The following N4BP1 variants were observed in gnomAD, a reference collection of about 807,000 sequenced individuals.
N4BP1 encodes the protein NEDD4-binding protein 1.
N4BP1 carries 21 observed loss-of-function variants against 70.9 expected under a neutral mutation model. The observed-to-expected ratio is 0.30, with a 90% CI of 0.21 to 0.43. The LOEUF is 0.43. Among genes scored for constraint, N4BP1 ranks in the 20% least tolerant of loss-of-function variants. The pLI is 1.00. For missense variants in N4BP1, 936 were observed against 1,069.4 expected (o/e 0.88, Z 1.74); for synonymous variants, 387 against 394.6 (o/e 0.98, Z 0.23).
chr16:48,610,135 C>A lies in N4BP1; in HGVS notation c.-163G>T, dbSNP rs1325491315. On this transcript the variant is annotated 5_prime_UTR_variant, in exon 1 of 7. Transcript: ENST00000262384. ...GCCCTCAGGCCCGGCTATACCATCC[C>A]GCCACGACCGCAGCAGCTTGGCAAT... The A allele has an allele frequency of 1.0e-5, 2 of 193,700 alleles. No individual in the cohort carries two copies. Among genetic ancestry groups the A allele is most frequent in the Non-Finnish European group, 1.9e-5 (2 of 104,948 alleles). 12.0% of individuals were successfully genotyped at this position (193,700 alleles called of 1,614,324 possible).
At chr16:48,606,313 A>G (rs1331730675) in intron 1 of N4BP1, among the ~76,000 whole-genome samples, 1 of 152,134 alleles carries the variant, frequency 6.6e-6, no homozygotes, top group African/African-American at 2.4e-5. Context: ...ACTTGCAACA[A>G]TGTTCATTTC....
chr16:48,555,231 A>G (rs1285343471), intron 2 of N4BP1, among the ~76,000 whole-genome samples: 1 of 152,154 alleles, frequency 6.6e-6, no homozygotes, highest in African/African-American at 2.4e-5. Context: ...AATCACAGAG[A>G]TAGAATGGCA....
chr16:48,551,350 C>A (rs771654575), intron 4 of N4BP1, 36 bp downstream of exon 4: 14 of 1,566,782 alleles, frequency 8.9e-6, no homozygotes, highest in Admixed American at 1.7e-5. Context: ...CTCACCACCC[C>A]ACTCCAACCT....
rs1032906530 is a variant in N4BP1, at chr16:48,539,223, A to G, written c.*3681T>C. 1 of 152,368 alleles carries G rather than the reference A, an allele frequency of 6.6e-6. No individual in the cohort carries two copies. The highest frequency in any genetic ancestry group is 2.4e-5 in the African/African-American group (1 of 41,444). 9.4% of individuals were successfully genotyped at this position (152,368 alleles called of 1,614,324 possible). ...GAGGAGGGGTGACTAGAAGTATGTT[A>G]CTGGAAGGTAAATCTGGCCACACTG... On this transcript the variant is annotated 3_prime_UTR_variant, in exon 7 of 7. Transcript: ENST00000262384.
intron 1 of N4BP1, among the ~76,000 whole-genome samples, chr16:48,569,273 T>C (rs1016635994): frequency 6.6e-6 from 1 of 152,246 alleles, no homozygotes; most frequent in African/African-American, 2.4e-5. Flanking sequence ...ATCTTACAAA[T>C]ACTGAAACTT....
intron 2 of N4BP1, among the ~76,000 whole-genome samples, chr16:48,555,685 T>C (rs957033111): frequency 1.3e-5 from 2 of 152,186 alleles, no homozygotes; most frequent in Admixed American, 6.5e-5. Flanking sequence ...GGGCCTCTTT[T>C]AATCTTCCAA....
At position 48,561,375 on chromosome 16, in the gene N4BP1, G is replaced by A; in HGVS notation, c.1268C>T (p.Thr423Ile). ...CTGTGTTTTCTTTGGAGTGGAATCA[G>A]TTGTAAGCTCATTTGTGCTGCTATA... Reference protein sequence around the residue: ...GVYSSTNELTTDSTPKKTQAH... With the variant: ...GVYSSTNELTIDSTPKKTQAH... Residue 423 changes from threonine (T) to isoleucine (I), a missense_variant, in exon 2 of 7, where the codon ACT becomes ATT. Coordinates refer to ENST00000262384, the MANE Select transcript of N4BP1 (RefSeq NM_153029.4). 6.2e-7 allele frequency: 1 copy of A among 1,613,928 alleles called. No individual in the cohort carries two copies. The highest frequency in any genetic ancestry group is 2.2e-5 in the East Asian group (1 of 44,882).
Position 48,569,548 on chromosome 16 carries a change from C to T in N4BP1, c.199-7104G>A, listed in dbSNP as rs144689830. On this transcript the variant is annotated intron_variant, in intron 1 of 6. Transcript: ENST00000262384. ...CTGAGAACACAGGCACATGCCACCA[C>T]GCCTGGCTAATTTTTGTATTTTTTG... 1.1e-4 allele frequency among the ~76,000 whole-genome samples: 16 copies of T among 152,262 alleles called. No individual in the cohort carries two copies. The East Asian group carries it at 1.2e-3, about 11-fold the overall frequency.
At chr16:48,559,397 T>C (rs1158649310) in intron 2 of N4BP1, among the ~76,000 whole-genome samples, 2 of 152,222 alleles carry the variant, frequency 1.3e-5, no homozygotes, top group South Asian at 2.1e-4. Context: ...TCTCATTCCA[T>C]GTCCAGGTGT....
chr16:48,608,657 AG>A (rs1396641491), intron 1 of N4BP1, among the ~76,000 whole-genome samples: 1 of 150,928 alleles, frequency 6.6e-6, no homozygotes, highest in South Asian at 2.1e-4. Context: ...TGGTTTGGAA[AG>A]GGGGGGAAGT....
rs375310011 is a variant in N4BP1 at position 48,540,360 on chromosome 16, G to A, written c.*2544C>T. The A allele has an allele frequency of 6.6e-6, 1 of 152,478 alleles. No individual in the cohort carries two copies. The highest frequency in any genetic ancestry group is 1.9e-4 in the East Asian group (1 of 5,184). The allele number at this position is 152,478 out of a possible 1,614,324, so 9.4% of individuals were successfully genotyped here. ...CGTGCCACAAGCCGCATCGGCATGAGGCCGGCTCTCCCTTCTTCACTGGTC... is the reference window on the plus strand; with the variant it reads ...CGTGCCACAAGCCGCATCGGCATGAAGCCGGCTCTCCCTTCTTCACTGGTC... On this transcript the variant is annotated 3_prime_UTR_variant, in exon 7 of 7. Transcript: ENST00000262384.
chr16:48,578,230 C>A, intron 1 of N4BP1: 1 of 155,946 alleles, frequency 6.4e-6, no homozygotes, highest in South Asian at 1.8e-4. Context: ...TATTTCTTGT[C>A]CTTGGCTGAG....
chr16:48,569,759 G>A (rs557240487), intron 1 of N4BP1, among the ~76,000 whole-genome samples: 14 of 152,214 alleles, frequency 9.2e-5, no homozygotes, highest in African/African-American at 1.7e-4. Context: ...CTTGGATGGT[G>A]GTCTTTTTGT....
At chr16:48,549,111 T>A (rs896115897) in intron 4 of N4BP1, among the ~76,000 whole-genome samples, 1 of 152,182 alleles carries the variant, frequency 6.6e-6, no homozygotes, top group African/African-American at 2.4e-5. Flanking sequence ...TAAGGCAATG[T>A]AGACAAAGAT....
At chr16:48,599,636 T>C (rs1489010700) in intron 1 of N4BP1, among the ~76,000 whole-genome samples, 1 of 152,252 alleles carries the variant, frequency 6.6e-6, no homozygotes, top group Non-Finnish European at 1.5e-5. Flanking sequence ...TTTTAGGAAT[T>C]ATAATTTTTA....
chr16:48,566,248 T>C (rs943129982), intron 1 of N4BP1, among the ~76,000 whole-genome samples: 1 of 152,092 alleles, frequency 6.6e-6, no homozygotes, highest in Admixed American at 6.6e-5. Flanking sequence ...TCTTGCTATG[T>C]TGTCAAGGTT....
intron 1 of N4BP1, among the ~76,000 whole-genome samples, chr16:48,585,383 T>A (rs934202778): frequency 5.9e-5 from 9 of 151,740 alleles, no homozygotes; most frequent in African/African-American, 2.2e-4. Flanking sequence ...ACATCTGTAA[T>A]CCCAGCAATT....
At position 48,573,635 on chromosome 16, in the gene N4BP1, T is replaced by C. The variant is rs576641067; in HGVS notation, c.199-11191A>G. Among the ~76,000 whole-genome samples, 19 of 152,124 alleles carry C rather than the reference T, an allele frequency of 1.2e-4. 1 individual carries two copies. The highest frequency in any genetic ancestry group is 1.0e-3 in the Admixed American group (16 of 15,264). On this transcript the variant is annotated intron_variant, in intron 1 of 6. Transcript: ENST00000262384. ...AACAAAAAAAACCCCAGCAATATAG[T>C]TGACCCCCAAACAATACAGATAAGG...
intron 1 of N4BP1, among the ~76,000 whole-genome samples, chr16:48,596,281 T>C (rs989036129): frequency 6.6e-6 from 1 of 152,190 alleles, no homozygotes; most frequent in African/African-American, 2.4e-5. Flanking sequence ...TTGCACTCCT[T>C]ATCCTAGAAC....
Sources: allele counts gnomAD v4.1 joint callset (sites outside exome capture counted in the v4.1 genomes callset), GRCh38; gene constraint gnomAD v4.1.1; transcripts MANE v1.5; gene names NCBI Gene and HGNC (gene_info 2026-07-23, HGNC 2026-07-21).